GNAT3: variants seen among roughly 807,000 people sequenced by gnomAD.
GNAT3 encodes the protein guanine nucleotide-binding protein G(t) subunit alpha-3.
Under a neutral mutation model 37.7 loss-of-function variants are expected in GNAT3, and 31 were observed. That is an observed-to-expected ratio of 0.82 (90% CI 0.62 to 1.11). The LOEUF is 1.11. GNAT3 is among the 50% of genes most tolerant of loss of function. The pLI is 0.00. For missense variants in GNAT3, 437 were observed against 412.5 expected (o/e 1.06, Z -0.51); for synonymous variants, 138 against 139.8 (o/e 0.99, Z 0.09).
At chr7:80,491,070 G>T (rs1159567187) in intron 2 of GNAT3, among the ~76,000 whole-genome samples, 1 of 152,132 alleles carries the variant, frequency 6.6e-6, no homozygotes, top group East Asian at 1.9e-4. Flanking sequence ...TCAGTTCATG[G>T]CAGTGTGGAT....
chr7:80,460,231 A>G (rs1790027479), intron 7 of GNAT3, among the ~76,000 whole-genome samples: 1 of 152,214 alleles, frequency 6.6e-6, no homozygotes, highest in African/African-American at 2.4e-5. Flanking sequence ...AAAATGCTAC[A>G]TGTCATATGA....
At chr7:80,481,420 AG>A (rs1162628778) in intron 3 of GNAT3, among the ~76,000 whole-genome samples, 1 of 152,178 alleles carries the variant, frequency 6.6e-6, no homozygotes, top group Non-Finnish European at 1.5e-5. Flanking sequence ...TTTGGAATTC[AG>A]GCATAACTCA....
intron 7 of GNAT3, among the ~76,000 whole-genome samples, chr7:80,461,687 T>C (rs1264937475): frequency 1.3e-5 from 2 of 152,076 alleles, no homozygotes; most frequent in Non-Finnish European, 2.9e-5. Context: ...GCACTAAAAT[T>C]CCAGGATCCA....
intron 1 of GNAT3, among the ~76,000 whole-genome samples, chr7:80,497,879 A>G (rs1790763578): frequency 6.6e-6 from 1 of 152,054 alleles, no homozygotes; most frequent in Non-Finnish European, 1.5e-5. Flanking sequence ...TATAATTTCT[A>G]CAATAAAGTG....
In GNAT3 at chr7:80,498,859, G is replaced by C. The variant is rs112155392; in HGVS notation, c.119-4212C>G. 2.9e-3 allele frequency among the ~76,000 whole-genome samples: 438 copies of C among 152,032 alleles called. 3 individuals are homozygous for C. The highest frequency in any genetic ancestry group is 0.01 in the African/African-American group (424 of 41,462). On this transcript the variant is annotated intron_variant, in intron 1 of 7. Coordinates refer to ENST00000398291, the MANE Select transcript of GNAT3 (RefSeq NM_001102386.3). ...TAAATTTATACTTAATTCATACTTAGATACTCATAAATTATTTTATTTTTA... is the reference window on the plus strand; with the variant it reads ...TAAATTTATACTTAATTCATACTTACATACTCATAAATTATTTTATTTTTA...
At chr7:80,468,353 A>G (rs1318864486) in intron 5 of GNAT3, among the ~76,000 whole-genome samples, 1 of 152,134 alleles carries the variant, frequency 6.6e-6, no homozygotes, top group Non-Finnish European at 1.5e-5. Context: ...GAGTAGCTAA[A>G]AATCAACAAT....
chr7:80,507,304 C>G (rs1191128561), intron 1 of GNAT3, among the ~76,000 whole-genome samples: 1 of 151,652 alleles, frequency 6.6e-6, no homozygotes, highest in Non-Finnish European at 1.5e-5. Context: ...TGGAATCTCT[C>G]CCACTCATAT....
At chr7:80,487,245 A>T (rs1790503792) in intron 3 of GNAT3, among the ~76,000 whole-genome samples, 1 of 152,176 alleles carries the variant, frequency 6.6e-6, no homozygotes, top group Non-Finnish European at 1.5e-5. Context: ...AAATAAGAAC[A>T]TGATCACTAA....
intron 3 of GNAT3, among the ~76,000 whole-genome samples, chr7:80,482,824 C>A (rs750936693): frequency 1.6e-4 from 24 of 151,572 alleles, no homozygotes; most frequent in Non-Finnish European, 2.8e-4. Context: ...AACCACCATA[C>A]CTGTCCTTCC....
At chr7:80,509,408 T>C (rs568118424) in intron 1 of GNAT3, among the ~76,000 whole-genome samples, 1 of 152,216 alleles carries the variant, frequency 6.6e-6, no homozygotes, top group East Asian at 1.9e-4. Context: ...AGGAGTTTAG[T>C]GCACATAGTG....
At chr7:80,495,107 A>G (rs530107370) in intron 1 of GNAT3, among the ~76,000 whole-genome samples, 4 of 152,234 alleles carry the variant, frequency 2.6e-5, no homozygotes, top group South Asian at 2.1e-4. Context: ...TCAATTATAT[A>G]TATCAGATTT....
intron 3 of GNAT3, among the ~76,000 whole-genome samples, chr7:80,481,395 T>C (rs1415716185): frequency 6.6e-6 from 1 of 152,104 alleles, no homozygotes; most frequent in East Asian, 1.9e-4. Flanking sequence ...ACATGCCTCA[T>C]TAGGCCCTCC....
chr7:80,474,203 G>C, intron 5 of GNAT3, 48 bp downstream of exon 5: 1 of 1,565,544 alleles, frequency 6.4e-7, no homozygotes, highest in Non-Finnish European at 8.7e-7. Context: ...GAAATATTAA[G>C]CCTGATGCAT....
chr7:80,494,304 C>A (rs767631252), intron 2 of GNAT3, among the ~76,000 whole-genome samples: 1 of 151,998 alleles, frequency 6.6e-6, no homozygotes, highest in Non-Finnish European at 1.5e-5. Context: ...AAAATATTTA[C>A]CGTTAATGAT....
At chr7:80,479,478 G>C (rs1355376447) in intron 3 of GNAT3, among the ~76,000 whole-genome samples, 1 of 151,858 alleles carries the variant, frequency 6.6e-6, no homozygotes, top group Admixed American at 6.6e-5. Flanking sequence ...CCAGCACTTA[G>C]GGAGGCCGAG....
Position 80,478,940 on chromosome 7 carries a change from G to A in GNAT3, c.362C>T (p.Pro121Leu), listed in dbSNP as rs370507981. The A allele has an allele frequency of 1.6e-5, 26 of 1,612,952 alleles. No individual in the cohort carries two copies. Among genetic ancestry groups the A allele is most frequent in the Non-Finnish European group, 2.1e-5 (25 of 1,179,388 alleles). Residue 121 changes from proline to leucine, a missense_variant, in exon 4 of 8, where the codon CCT becomes CTT. Transcript: ENST00000398291. The stretch of plus-strand genomic sequence containing the variant: ...CCGTTTTATTACCTCAGCCAGTTGA[G>A]GTGTCATGCCACCATCTTCCAGGGT... ...ANTLEDGGMT[P>L]QLAEVIKRLW...
chr7:80,467,415 C>A (rs1020263265), intron 5 of GNAT3, among the ~76,000 whole-genome samples: 1 of 152,100 alleles, frequency 6.6e-6, no homozygotes, highest in Non-Finnish European at 1.5e-5. Flanking sequence ...AACTGAAATG[C>A]TCATTAGCAA....
At chr7:80,505,655 T>G (rs892003867) in intron 1 of GNAT3, among the ~76,000 whole-genome samples, 8 of 152,296 alleles carry the variant, frequency 5.3e-5, no homozygotes, top group Non-Finnish European at 8.8e-5. Context: ...CGTGAGCCAC[T>G]GCGCCTGGCA....
At chr7:80,508,196 G>GA (rs751040145) in intron 1 of GNAT3, among the ~76,000 whole-genome samples, 110 of 151,382 alleles carry the variant, frequency 7.3e-4, no homozygotes, top group Non-Finnish European at 1.3e-3. Context: ...TGAATATGAA[G>GA]AAAAAAGAAA....
Sources: allele counts gnomAD v4.1 joint callset (sites outside exome capture counted in the v4.1 genomes callset), GRCh38; gene constraint gnomAD v4.1.1; transcripts MANE v1.5; gene names NCBI Gene and HGNC (gene_info 2026-07-23, HGNC 2026-07-21).